Variants in RAB4B observed in about 807,000 individuals in gnomAD.
RAB4B encodes the protein RAB4B, member RAS oncogene family.
In RAB4B, 15 loss-of-function variants were observed where a neutral mutation model predicts 28.3. That is an observed-to-expected ratio of 0.53 (90% CI 0.35 to 0.82). The LOEUF (loss-of-function observed/expected upper bound fraction) is 0.82. RAB4B is among the 40% of genes least tolerant of loss of function. The pLI is 0.01. For missense variants in RAB4B, 244 were observed against 288.5 expected (o/e 0.85, Z 1.12); for synonymous variants, 108 against 116.3 (o/e 0.93, Z 0.46).
Position 40,780,468 on chromosome 19 carries a change from A to G in RAB4B, c.181A>G (p.Ile61Val). 3 of 1,613,740 alleles carry G rather than the reference A, an allele frequency of 1.9e-6. No individual in the cohort carries two copies. Among genetic ancestry groups the G allele is most frequent in the Non-Finnish European group, 2.5e-6 (3 of 1,179,906 alleles). ...NVGGKTVKLQIWDTAGQERFR... is the reference protein window; with the variant it reads ...NVGGKTVKLQVWDTAGQERFR... The stretch of plus-strand genomic sequence containing the variant: ...GGGTGGGAAGACTGTGAAGCTACAG[A>G]TTTGGGACACGGCTGGCCAGGAGCG... The change falls in exon 3 of 8, where the codon ATT becomes GTT. Residue 61 changes from isoleucine (I) to valine (V), a missense_variant. Ile to Val is a conservative substitution (Grantham distance 29). Coordinates refer to ENST00000357052, the MANE Select transcript of RAB4B (RefSeq NM_016154.5).
At chr19:40,795,963 T>C (rs954376706) in intron 7 of RAB4B, among the ~76,000 whole-genome samples, 5 of 152,136 alleles carry the variant, frequency 3.3e-5, no homozygotes, top group Non-Finnish European at 4.4e-5. Flanking sequence ...CGCCTCGGCC[T>C]CCCAAAGTGC....
At chr19:40,788,079 G>A (rs1023156952) in intron 7 of RAB4B, among the ~76,000 whole-genome samples, 1 of 151,702 alleles carries the variant, frequency 6.6e-6, no homozygotes, top group Non-Finnish European at 1.5e-5. Flanking sequence ...GTTCTCCAGC[G>A]ATTTATTGAG....
At chr19:40,789,501 CTTTTTTTTTT>C (rs60806942) in intron 7 of RAB4B, among the ~76,000 whole-genome samples, 35 of 116,578 alleles carry the variant, frequency 3.0e-4, no homozygotes, top group Middle Eastern at 5.9e-3. Flanking sequence ...CACGCCCAGC[CTTTTTTTTTT>C]TTTTTTTTTT....
chr19:40,791,879 C>G (rs1008040725), intron 7 of RAB4B, among the ~76,000 whole-genome samples: 1 of 152,182 alleles, frequency 6.6e-6, no homozygotes, highest in Non-Finnish European at 1.5e-5. Context: ...AGTGATCCAC[C>G]CACCTCAGCA....
At chr19:40,790,549 T>G (rs1044274680) in intron 7 of RAB4B, among the ~76,000 whole-genome samples, 16 of 150,806 alleles carry the variant, frequency 1.1e-4, no homozygotes, top group African/African-American at 3.7e-4. Context: ...TTTTTGTATT[T>G]TTTTTAGTAG....
chr19:40,792,988 G>A (rs1209360738), intron 7 of RAB4B, among the ~76,000 whole-genome samples: 1 of 152,026 alleles, frequency 6.6e-6, no homozygotes, highest in African/African-American at 2.4e-5. Context: ...ACCGTGGCCA[G>A]GCTGGCTTGA....
intron 3 of RAB4B, among the ~76,000 whole-genome samples, chr19:40,782,737 C>CCG (rs931771641): frequency 2.3e-4 from 35 of 151,994 alleles, no homozygotes; most frequent in Non-Finnish European, 7.4e-5. Context: ...CACTTGCATC[C>CCG]GGGGGGCAAA....
intron 5 of RAB4B, chr19:40,786,173 G>T: frequency 4.8e-6 from 1 of 210,348 alleles, no homozygotes; most frequent in Non-Finnish European, 9.8e-6. Flanking sequence ...GCATGGGATG[G>T]GGGAGCATGG....
At position 40,780,302 on chromosome 19, in the gene RAB4B, C is replaced by T. The variant is rs2083034388; in HGVS notation, c.98-83C>T. On this transcript the variant is annotated intron_variant, in intron 2 of 7. Coordinates refer to ENST00000357052, the MANE Select transcript of RAB4B (RefSeq NM_016154.5). ...AGCAAGGAGAATGGGTTTGTAGAGA[C>T]TGAGAGGGCCTTGGAGGATGGGGGA... 35 of 1,459,744 alleles carry T rather than the reference C, an allele frequency of 2.4e-5. 1 individual carries two copies. The highest frequency in any genetic ancestry group is 3.3e-5 in the Non-Finnish European group (35 of 1,073,708). 90.4% of individuals were successfully genotyped at this position (1,459,744 alleles called of 1,614,324 possible).
chr19:40,786,802 C>T lies in RAB4B; in HGVS notation c.526+42C>T, dbSNP rs368965395. On this transcript the variant is annotated intron_variant, in intron 6 of 7. Coordinates refer to ENST00000357052, the MANE Select transcript of RAB4B (RefSeq NM_016154.5). ...CCCGAGTGGGAGCGAAGGGCAGGCCCGGGGGTCTCCAGGCAACCAATGCTG... is the reference window on the plus strand; with the variant it reads ...CCCGAGTGGGAGCGAAGGGCAGGCCTGGGGGTCTCCAGGCAACCAATGCTG... 4.7e-5 allele frequency: 76 copies of T among 1,614,098 alleles called. No homozygotes were observed. In the African/African-American group the frequency reaches 5.1e-4, roughly 11 times the overall value.
intron 5 of RAB4B, chr19:40,786,375 T>G: frequency 2.5e-6 from 1 of 395,592 alleles, no homozygotes; most frequent in Non-Finnish European, 4.8e-6. Flanking sequence ...AGGGCCAGGA[T>G]AGGGGGCCAC....
chr19:40,791,462 G>A (rs545630456), intron 7 of RAB4B, among the ~76,000 whole-genome samples: 8 of 152,126 alleles, frequency 5.3e-5, no homozygotes, highest in South Asian at 2.1e-4. Flanking sequence ...CAGCCTTACC[G>A]GCCTCAGCCA....
chr19:40,780,024 C>A lies in RAB4B; in HGVS notation c.22C>A (p.Leu8Ile), dbSNP rs2083032155. 1 of 1,611,832 alleles carries A rather than the reference C, an allele frequency of 6.2e-7. No individual in the cohort carries two copies. Among genetic ancestry groups the A allele is most frequent in the Non-Finnish European group, 8.5e-7 (1 of 1,178,024 alleles). ...TTTTGGCTCCATCTGGTCAGACTTC[C>A]TCTTCAAATTCCTGGTGATTGGCAG... MAETYDFLFKFLVIGSAG... is the reference protein window; with the variant it reads MAETYDFIFKFLVIGSAG... The change falls in exon 2 of 8, where the codon CTC (leucine) becomes ATC (isoleucine). Residue 8 changes from leucine to isoleucine, a missense_variant. By Grantham distance (5) the Leu-to-Ile change is conservative. Transcript: ENST00000357052.
chr19:40,780,585 C>CT (rs1335298851), intron 3 of RAB4B, 86 bp downstream of exon 3: 5 of 1,137,926 alleles, frequency 4.4e-6, no homozygotes, highest in Non-Finnish European at 6.4e-6. Flanking sequence ...CTTGGAGACA[C>CT]TGAGAGGGCA....
At chr19:40,795,553 C>T (rs1178712402) in intron 7 of RAB4B, among the ~76,000 whole-genome samples, 1 of 151,838 alleles carries the variant, frequency 6.6e-6, no homozygotes, top group Non-Finnish European at 1.5e-5. Context: ...GCACCTACCA[C>T]CACGCCTGGC....
At chr19:40,787,975 A>AAAC (rs1028792438) in intron 7 of RAB4B, among the ~76,000 whole-genome samples, 12 of 149,302 alleles carry the variant, frequency 8.0e-5, no homozygotes, top group Non-Finnish European at 4.5e-5. Context: ...AAAAAAAAAA[A>AAAC]AAAAAAAAAA....
intron 5 of RAB4B, among the ~76,000 whole-genome samples, chr19:40,784,840 C>CTTTTTTT (rs1182284828): frequency 7.2e-6 from 1 of 139,302 alleles, no homozygotes. Context: ...GTGAAAGGCA[C>CTTTTTTT]TTTTTTTTTT....
chr19:40,780,537 G>C (rs748831993), intron 3 of RAB4B, 38 bp downstream of exon 3: 1 of 1,535,432 alleles, frequency 6.5e-7, no homozygotes, highest in Admixed American at 1.8e-5. Flanking sequence ...TGGGGAGAGA[G>C]AGTGAGAAGG....
chr19:40,780,239 T>A (rs1298948235), intron 2 of RAB4B, 140 bp downstream of exon 2: 1 of 1,452,744 alleles, frequency 6.9e-7, no homozygotes, highest in Non-Finnish European at 9.3e-7. Flanking sequence ...CTTTGTCGTA[T>A]GTCCTTTACT....
Sources: gnomAD v4.1 joint callset for allele counts (sites outside exome capture counted in the v4.1 genomes callset) on GRCh38, gnomAD v4.1.1 for gene constraint, MANE v1.5 for transcripts, NCBI Gene and HGNC (gene_info 2026-07-23, HGNC 2026-07-21) for gene names.